The following CFAP61 variants were observed in gnomAD, a reference collection of about 807,000 sequenced individuals.
CFAP61 encodes cilia and flagella associated protein 61, also known as cilia- and flagella-associated protein 61.
A neutral mutation model predicts 135.6 loss-of-function variants in CFAP61; 107 were observed. That is an observed-to-expected ratio of 0.79 (90% CI 0.67 to 0.93). The LOEUF is 0.93. Among genes scored for constraint, CFAP61 ranks in the 40% least tolerant of loss-of-function variants. The pLI is 0.00. For missense variants in CFAP61, 1,507 were observed against 1,556.2 expected (o/e 0.97, Z 0.53); for synonymous variants, 575 against 578.5 (o/e 0.99, Z 0.09).
At chr20:20,188,163 G>T in intron 14 of CFAP61, 107 bp downstream of exon 14, 3 of 1,154,584 alleles carry the variant, frequency 2.6e-6, no homozygotes, top group South Asian at 1.5e-5. Context: ...TCATATGGCA[G>T]GGGGCAGTGG....
At chr20:20,101,916 C>T (rs1471178516) in intron 8 of CFAP61, among the ~76,000 whole-genome samples, 2 of 152,162 alleles carry the variant, frequency 1.3e-5, no homozygotes, top group Admixed American at 1.3e-4. Context: ...GAGTAAGCCA[C>T]CATGCCCGGC....
At chr20:20,281,035 A>G (rs1420116240) in intron 22 of CFAP61, among the ~76,000 whole-genome samples, 2 of 152,218 alleles carry the variant, frequency 1.3e-5, no homozygotes, top group Non-Finnish European at 2.9e-5. Context: ...TGTTCAAGCT[A>G]TTATAAATGT....
chr20:20,298,766 C>T (rs2055836659), intron 25 of CFAP61, among the ~76,000 whole-genome samples: 2 of 152,184 alleles, frequency 1.3e-5, no homozygotes, highest in African/African-American at 2.4e-5. Flanking sequence ...GATGGGACTC[C>T]GCGATCATGG....
intron 25 of CFAP61, among the ~76,000 whole-genome samples, chr20:20,302,517 C>G (rs866350217): frequency 5.9e-4 from 90 of 152,118 alleles, no homozygotes; most frequent in African/African-American, 1.9e-3. Context: ...CGAAAATTAA[C>G]TGGGTGTGGT....
At chr20:20,303,804 G>A (rs985079702) in intron 25 of CFAP61, among the ~76,000 whole-genome samples, 8 of 152,184 alleles carry the variant, frequency 5.3e-5, no homozygotes, top group South Asian at 2.1e-4. Context: ...CGCTGCTGCC[G>A]GGAGGGCTGA....
At chr20:20,070,777 A>C (rs767279998) in intron 2 of CFAP61, 77 bp from the exon 3 acceptor site, 10 of 1,401,180 alleles carry the variant, frequency 7.1e-6, no homozygotes, top group Non-Finnish European at 8.8e-6. Context: ...TCCAGTAGCC[A>C]GAGGGAAAAA....
At chr20:20,318,759 T>C (rs1259593684) in intron 25 of CFAP61, among the ~76,000 whole-genome samples, 1 of 152,200 alleles carries the variant, frequency 6.6e-6, no homozygotes, top group Non-Finnish European at 1.5e-5. Flanking sequence ...AGCATGGCCA[T>C]GTCCCAGCCC....
rs1399642601 is a variant in CFAP61 at position 20,176,537 on chromosome 20, T to G, written c.1385+7077T>G. ...AATACTATGTAGCCATAGAAAGAAA[T>G]AAGATCATGTCCTTTGCAGGGACAT... On this transcript the variant is annotated intron_variant, in intron 13 of 26. Transcript: ENST00000245957. 3.9e-5 allele frequency among the ~76,000 whole-genome samples: 6 copies of G among 152,154 alleles called. No individual in the cohort carries two copies. In the East Asian group the frequency reaches 1.2e-3, roughly 29 times the overall value.
chr20:20,073,572 G>A (rs1264730385), intron 3 of CFAP61, among the ~76,000 whole-genome samples: 1 of 152,210 alleles, frequency 6.6e-6, no homozygotes, highest in Non-Finnish European at 1.5e-5. Flanking sequence ...TCCAGAATTT[G>A]AAGATTTGTT....
At chr20:20,297,361 C>T (rs1019817724) in intron 24 of CFAP61, among the ~76,000 whole-genome samples, 1 of 152,100 alleles carries the variant, frequency 6.6e-6, no homozygotes, top group African/African-American at 2.4e-5. Context: ...ATTTATTGAG[C>T]GTTGCTGTGT....
chr20:20,163,759 TCTCC>T (rs2053595559), intron 10 of CFAP61, among the ~76,000 whole-genome samples: 1 of 151,918 alleles, frequency 6.6e-6, no homozygotes, highest in Non-Finnish European at 1.5e-5. Context: ...GTCTTAATGC[TCTCC>T]CTCCCTTTCC....
At chr20:20,212,642 C>A (rs1359648454) in intron 17 of CFAP61, among the ~76,000 whole-genome samples, 4 of 152,172 alleles carry the variant, frequency 2.6e-5, no homozygotes, top group Non-Finnish European at 5.9e-5. Context: ...TGCTTTTCAA[C>A]TGAGAGAGGA....
intron 24 of CFAP61, among the ~76,000 whole-genome samples, chr20:20,293,426 T>C (rs181560386): frequency 1.1e-4 from 17 of 152,366 alleles, no homozygotes; most frequent in African/African-American, 4.1e-4. Context: ...TTTTTTCCAT[T>C]TTATTATCCA....
intron 17 of CFAP61, among the ~76,000 whole-genome samples, chr20:20,218,386 C>A (rs61261338): frequency 0.015 from 2,212 of 152,306 alleles, 50 homozygotes; most frequent in African/African-American, 0.05. Flanking sequence ...GATTGTGAGA[C>A]CTTCCCCAGC....
chr20:20,327,067 A>T (rs2057776678), intron 25 of CFAP61, among the ~76,000 whole-genome samples: 1 of 152,072 alleles, frequency 6.6e-6, no homozygotes, highest in African/African-American at 2.4e-5. Context: ...TTCTGATTTT[A>T]AAAAAGATAT....
chr20:20,272,033 G>A (rs2053397189), intron 21 of CFAP61, among the ~76,000 whole-genome samples: 1 of 152,102 alleles, frequency 6.6e-6, no homozygotes, highest in African/African-American at 2.4e-5. Context: ...GTACACAATG[G>A]TAGGTATACA....
At chr20:20,232,170 C>T (rs1318289436) in intron 18 of CFAP61, among the ~76,000 whole-genome samples, 2 of 152,064 alleles carry the variant, frequency 1.3e-5, no homozygotes, top group African/African-American at 4.8e-5. Context: ...AGCAGGGGCC[C>T]CCAGGTCCTG....
At chr20:20,140,849 G>A (rs2051339346) in intron 8 of CFAP61, among the ~76,000 whole-genome samples, 2 of 151,776 alleles carry the variant, frequency 1.3e-5, no homozygotes, top group South Asian at 2.1e-4. Context: ...TTAAGAAAAT[G>A]TGGCACATAT....
chr20:20,272,082 C>A (rs1321875828), intron 21 of CFAP61, among the ~76,000 whole-genome samples: 1 of 152,188 alleles, frequency 6.6e-6, no homozygotes, highest in African/African-American at 2.4e-5. Flanking sequence ...TACTATATAT[C>A]CAGAAAATTA....
Sources: allele counts gnomAD v4.1 joint callset (sites outside exome capture counted in the v4.1 genomes callset), GRCh38; gene constraint gnomAD v4.1.1; transcripts MANE v1.5; gene names NCBI Gene and HGNC (gene_info 2026-07-23, HGNC 2026-07-21).